UVSSA: variants seen among roughly 807,000 people sequenced by gnomAD.
The protein encoded by UVSSA is UV stimulated scaffold protein A, also known as UV-stimulated scaffold protein A.
In UVSSA, 72 loss-of-function variants were observed where a neutral mutation model predicts 73.9. That is an observed-to-expected ratio of 0.97 (90% CI 0.81 to 1.19). The LOEUF is 1.19. Ranked by LOEUF, UVSSA falls within the 50% of genes most tolerant of loss-of-function variation. The pLI is 0.00. For synonymous variants in UVSSA, 454 were observed against 391.3 expected (o/e 1.16, Z -1.89); for missense variants, 1,150 against 965.0 (o/e 1.19, Z -2.54).
intron 10 of UVSSA, among the ~76,000 whole-genome samples, chr4:1,377,834 G>A (rs1003105777): frequency 1.3e-5 from 2 of 152,268 alleles, no homozygotes; most frequent in Non-Finnish European, 2.9e-5. Context: ...TCCCCCAACT[G>A]CCTGCACACT....
intron 10 of UVSSA, among the ~76,000 whole-genome samples, chr4:1,378,701 G>A (rs1356879576): frequency 1.3e-5 from 2 of 152,200 alleles, no homozygotes; most frequent in Admixed American, 6.5e-5. Flanking sequence ...TCTCTGGTCC[G>A]AGTTCCGGGT....
chr4:1,353,224 G>A lies in UVSSA; in HGVS notation c.745G>A (p.Glu249Lys), dbSNP rs1455416283. Reference sequence around the variant, plus strand: ...TGGCACCCCTGACCCCCGGGACGGGGAGCAGCCCTGCTGCAGTAGAGACCT... The same window carrying A: ...TGGCACCCCTGACCCCCGGGACGGGAAGCAGCCCTGCTGCAGTAGAGACCT... ...RSGTPDPRDG[E>K]QPCCSRDLPA... is the part of the protein sequence containing the mutation. Residue 249 changes from glutamate to lysine, a missense_variant, in exon 5 of 14, where the codon GAG (glutamate) becomes AAG (lysine). By Grantham distance (56) the Glu-to-Lys change is moderately conservative (BLOSUM62 1). Coordinates refer to ENST00000389851, the MANE Select transcript of UVSSA (RefSeq NM_020894.4). 2.5e-6 allele frequency: 4 copies of A among 1,612,140 alleles called. No homozygotes were observed. The Admixed American group carries it at 5.0e-5, about 20-fold the overall frequency.
At chr4:1,346,654 T>C (rs1340746778), upstream of UVSSA, among the ~76,000 whole-genome samples, 4 of 151,944 alleles carry the variant, frequency 2.6e-5, no homozygotes, top group African/African-American at 9.7e-5. Flanking sequence ...CAGGGCGCCC[T>C]GCGCGGGGCG....
rs1456715807 is a variant in UVSSA at position 1,354,741 on chromosome 4, T to C, written c.941T>C (p.Leu314Pro). Residue 314 changes from leucine to proline, a missense_variant, in exon 6 of 14, where the codon CTG (leucine) becomes CCG (proline). Coordinates refer to ENST00000389851, the MANE Select transcript of UVSSA (RefSeq NM_020894.4). ...TLDVELCSEG[L>P]KVQENEDNLA... Reference sequence around the variant, plus strand: ...TCTGTGTGCTTCTCCCCAGAGGGCCTGAAGGTGCAGGAGAACGAGGACAAC... The same window carrying C: ...TCTGTGTGCTTCTCCCCAGAGGGCCCGAAGGTGCAGGAGAACGAGGACAAC... 8 of 1,613,166 alleles carry C rather than the reference T, an allele frequency of 5.0e-6. No individual in the cohort carries two copies. Among genetic ancestry groups the C allele is most frequent in the African/African-American group, 1.3e-5 (1 of 74,884 alleles).
Position 1,395,521 on chromosome 4 carries a change from G to T in UVSSA, c.*9560G>T, listed in dbSNP as rs13136287. The T allele has an allele frequency of 8.6e-6, 13 of 1,514,884 alleles. No individual in the cohort carries two copies. The highest frequency in any genetic ancestry group is 1.1e-5 in the South Asian group (1 of 88,824). 93.8% of individuals were successfully genotyped at this position (1,514,884 alleles called of 1,614,324 possible). A position where few individuals can be genotyped will look rare whatever the true frequency, so the allele number is the denominator to read the frequency against. On this transcript the variant is annotated 3_prime_UTR_variant, in exon 14 of 14. Coordinates refer to the UVSSA transcript ENST00000511216. ...GTGCCCGCCTGCTCACACACATGCC[G>T]ATGTGGAGTGCCCGCCTGCTCACAC...
At chr4:1,389,933 T>C (rs1720366520), downstream of UVSSA, 1 of 152,226 alleles carries the variant, frequency 6.6e-6, no homozygotes, top group African/African-American at 2.4e-5. Context: ...AAACAACTTC[T>C]GGTTTTGTTT....
At chr4:1,359,123 A>G (rs1383583114) in intron 7 of UVSSA, 1 of 152,252 alleles carries the variant, frequency 6.6e-6, no homozygotes, top group Non-Finnish European at 1.5e-5. Flanking sequence ...GTCTTCAGAA[A>G]ATACTTAGGC....
chr4:1,353,079 T>C lies in UVSSA; in HGVS notation c.600T>C (p.Phe200=). 1 of 1,613,032 alleles carries C rather than the reference T, an allele frequency of 6.2e-7. No homozygotes were observed. The highest frequency in any genetic ancestry group is 8.5e-7 in the Non-Finnish European group (1 of 1,179,978). The change falls in exon 5 of 14, where the codon TTT becomes TTC. Residue 200 remains phenylalanine (F), a synonymous_variant. Coordinates refer to ENST00000389851, the MANE Select transcript of UVSSA (RefSeq NM_020894.4). ...ESCLTEVESC[F]RLLVPFDFDP... is the part of the protein sequence containing the mutation. Reference sequence around the variant, plus strand: ...GCTTGACGGAGGTAGAGAGCTGCTTTAGGCTGCTGGTGCCTTTTGACTTTG... The same window carrying C: ...GCTTGACGGAGGTAGAGAGCTGCTTCAGGCTGCTGGTGCCTTTTGACTTTG...
At chr4:1,369,252 G>A (rs1486434119) in intron 8 of UVSSA, among the ~76,000 whole-genome samples, 1 of 152,244 alleles carries the variant, frequency 6.6e-6, no homozygotes, top group Non-Finnish European at 1.5e-5. Context: ...CCAGCCCCAG[G>A]CGAGGGCTGG....
chr4:1,382,319 C>T (rs896725043), intron 12 of UVSSA, among the ~76,000 whole-genome samples: 1 of 152,230 alleles, frequency 6.6e-6, no homozygotes, highest in South Asian at 2.1e-4. Flanking sequence ...GGTATCAGGC[C>T]GCGGGCTGCG....
exon 14 of UVSSA, chr4:1,394,411 A>G (rs1720471831): frequency 5.1e-6 from 8 of 1,560,466 alleles, no homozygotes; most frequent in African/African-American, 1.4e-5. Flanking sequence ...TCATTTTCAT[A>G]TTGAAATCAT....
Position 1,386,222 on chromosome 4 carries a change from G to C in UVSSA, c.*261G>C. On this transcript the variant is annotated 3_prime_UTR_variant, in exon 14 of 14. Transcript: ENST00000389851. ...ACACAGGCAGCGACCCTGTTCCAGAGGGCTTCTGCGAGTCCTCGTGAGACC... is the reference window on the plus strand; with the variant it reads ...ACACAGGCAGCGACCCTGTTCCAGACGGCTTCTGCGAGTCCTCGTGAGACC... 2.2e-6 allele frequency: 1 copy of C among 455,694 alleles called. No individual in the cohort carries two copies. Among genetic ancestry groups the C allele is most frequent in the Non-Finnish European group, 4.0e-6 (1 of 247,160 alleles). 28.2% of individuals were successfully genotyped at this position (455,694 alleles called of 1,614,324 possible). A position where few individuals can be genotyped will look rare whatever the true frequency, so the allele number is the denominator to read the frequency against.
chr4:1,347,481 TG>T lies in UVSSA; in HGVS notation c.-281del, dbSNP rs1406541890. On this transcript the variant is annotated 5_prime_UTR_variant, in exon 1 of 14. Transcript: ENST00000389851. ...CCGCGGTCCAAGCCTCGCGTGGCCC[TG>T]CCGGGCCCCTTCTTTCCCCGAGTAG... 6.6e-6 allele frequency: 1 copy of T among 152,404 alleles called. No individual in the cohort carries two copies. Among genetic ancestry groups the T allele is most frequent in the Admixed American group, 6.5e-5 (1 of 15,292 alleles). The allele number at this position is 152,404 out of a possible 1,614,324, so 9.4% of individuals were successfully genotyped here.
chr4:1,377,395 C>T (rs2109277644), intron 10 of UVSSA, among the ~76,000 whole-genome samples: 1 of 152,308 alleles, frequency 6.6e-6, no homozygotes, highest in East Asian at 1.9e-4. Context: ...GCCCCGTCCT[C>T]AGGGCTCCAC....
intron 8 of UVSSA, among the ~76,000 whole-genome samples, chr4:1,374,358 T>C (rs1471046770): frequency 3.9e-5 from 6 of 152,206 alleles, no homozygotes; most frequent in Admixed American, 3.9e-4. Context: ...CTAGGGAGTA[T>C]AGGCCCCGCC....
At chr4:1,382,983 A>G (rs1719683622) in intron 12 of UVSSA, among the ~76,000 whole-genome samples, 1 of 152,172 alleles carries the variant, frequency 6.6e-6, no homozygotes, top group African/African-American at 2.4e-5. Flanking sequence ...CCAGCACCAC[A>G]CCTGGTGGAG....
chr4:1,394,262 T>A (rs762631050), exon 14 of UVSSA: 4 of 751,162 alleles, frequency 5.3e-6, no homozygotes, highest in African/African-American at 5.3e-5. Context: ...GTTCCTCAGA[T>A]CTTCCTTTCA....
exon 14 of UVSSA, chr4:1,395,874 A>G: frequency 6.2e-7 from 1 of 1,605,488 alleles, no homozygotes; most frequent in Non-Finnish European, 8.5e-7. Context: ...ATGAGATGGA[A>G]GAGGAGAGGG....
chr4:1,383,170 T>G (rs973536405), intron 12 of UVSSA, among the ~76,000 whole-genome samples: 5 of 152,108 alleles, frequency 3.3e-5, no homozygotes, highest in African/African-American at 1.2e-4. Context: ...ACGGCTTGCT[T>G]GGGAAGGGCA....
Sources: allele counts gnomAD v4.1 joint callset (sites outside exome capture counted in the v4.1 genomes callset), GRCh38; gene constraint gnomAD v4.1.1; transcripts MANE v1.5; gene names NCBI Gene and HGNC (gene_info 2026-07-23, HGNC 2026-07-21).